Variants in FYN observed in about 807,000 individuals in gnomAD.
FYN encodes the protein tyrosine-protein kinase Fyn.
In FYN, 10 loss-of-function variants were observed where a neutral mutation model predicts 70.2. The ratio of observed to expected loss-of-function variants is 0.14; its 90% CI spans 0.09 to 0.24. The LOEUF is 0.24. Ranked by LOEUF, FYN falls within the 10% of genes least tolerant of loss-of-function variation. FYN has a pLI of 1.00. For synonymous variants in FYN, 236 were observed against 248.6 expected (o/e 0.95, Z 0.48); for missense variants, 319 against 673.1 (o/e 0.47, Z 5.82).
chr6:111,784,382 A>G (rs1336187532), intron 2 of FYN, among the ~76,000 whole-genome samples: 2 of 152,212 alleles, frequency 1.3e-5, no homozygotes, highest in African/African-American at 4.8e-5. Context: ...CCTGGGCTCA[A>G]TCATATGAGG....
intron 13 of FYN, among the ~76,000 whole-genome samples, chr6:111,664,723 C>T (rs1382897158): frequency 6.6e-6 from 1 of 152,000 alleles, no homozygotes; most frequent in Non-Finnish European, 1.5e-5. Context: ...CCTGTCTGCA[C>T]CCCTCCGCTC....
intron 2 of FYN, among the ~76,000 whole-genome samples, chr6:111,810,892 T>A (rs1772303586): frequency 6.6e-6 from 1 of 152,224 alleles, no homozygotes; most frequent in Non-Finnish European, 1.5e-5. Flanking sequence ...GGAGTTAGGG[T>A]CCTTTTCCTA....
chr6:111,842,655 T>C (rs1216381218), intron 2 of FYN, among the ~76,000 whole-genome samples: 1 of 152,192 alleles, frequency 6.6e-6, no homozygotes, highest in African/African-American at 2.4e-5. Context: ...AGAAAAAACT[T>C]GTATGAATTA....
At chr6:111,808,530 C>T (rs1772224657) in intron 2 of FYN, among the ~76,000 whole-genome samples, 1 of 152,212 alleles carries the variant, frequency 6.6e-6, no homozygotes, top group Non-Finnish European at 1.5e-5. Context: ...CCCTCTTCTC[C>T]CTCCCTCCAG....
At chr6:111,719,196 C>T (rs375118184) in intron 4 of FYN, among the ~76,000 whole-genome samples, 3 of 151,512 alleles carry the variant, frequency 2.0e-5, no homozygotes, top group African/African-American at 4.9e-5. Flanking sequence ...ACAAATATTT[C>T]GGAAAACATA....
intron 1 of FYN, among the ~76,000 whole-genome samples, chr6:111,862,286 T>G (rs1773985190): frequency 6.6e-6 from 1 of 152,210 alleles, no homozygotes; most frequent in African/African-American, 2.4e-5. Context: ...CCAATCACCC[T>G]AAATTTTTAA....
intron 9 of FYN, among the ~76,000 whole-genome samples, chr6:111,698,530 A>C (rs1188416646): frequency 6.6e-6 from 1 of 152,172 alleles, no homozygotes; most frequent in African/African-American, 2.4e-5. Context: ...AGTTCTGAGG[A>C]AGGAAGATAG....
At chr6:111,667,622 C>T (rs1798069533) in intron 13 of FYN, among the ~76,000 whole-genome samples, 1 of 152,208 alleles carries the variant, frequency 6.6e-6, no homozygotes, top group South Asian at 2.1e-4. Flanking sequence ...ATAGATGTCA[C>T]TTCTTGACTT....
At chr6:111,796,199 TTC>T (rs1467414013) in intron 2 of FYN, among the ~76,000 whole-genome samples, 1 of 152,214 alleles carries the variant, frequency 6.6e-6, no homozygotes, top group Non-Finnish European at 1.5e-5. Context: ...ACCACAAATG[TTC>T]TCTTTTAATT....
intron 3 of FYN, among the ~76,000 whole-genome samples, chr6:111,779,190 T>C (rs959309192): frequency 2.1e-4 from 28 of 134,200 alleles, no homozygotes; most frequent in African/African-American, 7.5e-4. Flanking sequence ...GCCATGTCCC[T>C]CTCTTTGATT....
At chr6:111,706,512 C>T (rs1162417855) in intron 6 of FYN, among the ~76,000 whole-genome samples, 4 of 152,192 alleles carry the variant, frequency 2.6e-5, no homozygotes, top group Non-Finnish European at 2.9e-5. Flanking sequence ...AAGACTAGTA[C>T]GTCAATTATT....
chr6:111,675,609 A>G (rs866458171), intron 12 of FYN, among the ~76,000 whole-genome samples: 1 of 152,018 alleles, frequency 6.6e-6, no homozygotes, highest in Admixed American at 6.6e-5. Flanking sequence ...CCTGGCCAAC[A>G]GGGTGAAACC....
At chr6:111,807,847 T>C (rs1398316059) in intron 2 of FYN, among the ~76,000 whole-genome samples, 5 of 152,124 alleles carry the variant, frequency 3.3e-5, no homozygotes, top group South Asian at 2.1e-4. Flanking sequence ...TGGTGGCTCA[T>C]GCCTGTAATC....
At chr6:111,838,385 C>T (rs1238202281) in intron 2 of FYN, among the ~76,000 whole-genome samples, 1 of 152,142 alleles carries the variant, frequency 6.6e-6, no homozygotes, top group African/African-American at 2.4e-5. Flanking sequence ...TGCAGAATAC[C>T]TTGATGTCAG....
intron 1 of FYN, among the ~76,000 whole-genome samples, chr6:111,851,499 T>C (rs575829200): frequency 6.6e-6 from 1 of 152,296 alleles, no homozygotes; most frequent in African/African-American, 2.4e-5. Context: ...AGGGACCCTA[T>C]AAGAACAGTG....
intron 2 of FYN, among the ~76,000 whole-genome samples, chr6:111,787,622 T>A (rs1006358233): frequency 2.6e-5 from 4 of 152,220 alleles, no homozygotes; most frequent in African/African-American, 9.6e-5. Flanking sequence ...TGGTATGCAG[T>A]AGGCATTTAA....
At chr6:111,821,986 G>T (rs1048650809) in intron 2 of FYN, among the ~76,000 whole-genome samples, 6 of 152,166 alleles carry the variant, frequency 3.9e-5, no homozygotes, top group African/African-American at 1.4e-4. Context: ...AAGAACAGGT[G>T]CTGGAGAGAA....
chr6:111,799,881 G>A (rs1048867907), intron 2 of FYN, among the ~76,000 whole-genome samples: 2 of 152,196 alleles, frequency 1.3e-5, no homozygotes, highest in Admixed American at 6.5e-5. Flanking sequence ...AACGTGCAGG[G>A]AAGGCAGCCA....
At chr6:111,840,431 C>G (rs1216924075) in intron 2 of FYN, among the ~76,000 whole-genome samples, 1 of 152,158 alleles carries the variant, frequency 6.6e-6, no homozygotes, top group Admixed American at 6.5e-5. Context: ...CTTGCAGCCA[C>G]TAGAAGCTGG....
Sources: allele counts gnomAD v4.1 joint callset (sites outside exome capture counted in the v4.1 genomes callset), GRCh38; gene constraint gnomAD v4.1.1; transcripts MANE v1.5; gene names NCBI Gene and HGNC (gene_info 2026-07-23, HGNC 2026-07-21).